REDIC1: variants seen among roughly 807,000 people sequenced by gnomAD.
The protein encoded by REDIC1 is HEI10 Interacting Protein 1.
chr12:39,684,010 C>A, the REDIC1 span: 1 of 389,534 alleles, frequency 2.6e-6, no homozygotes, highest in Non-Finnish European at 3.5e-6. Flanking sequence ...TCATTGCCAA[C>A]ATTTACCTCT....
the REDIC1 span, among the ~76,000 whole-genome samples, chr12:39,797,748 A>G: frequency 0.015 from 2,017 of 134,914 alleles, 44 homozygotes; most frequent in African/African-American, 0.048. Flanking sequence ...ACACACACAC[A>G]CACACACACA....
chr12:39,813,381 C>G, the REDIC1 span, among the ~76,000 whole-genome samples: 1 of 152,040 alleles, frequency 6.6e-6, no homozygotes, highest in Non-Finnish European at 1.5e-5. Flanking sequence ...CCATAACAAA[C>G]TTTCAACAAC....
chr12:39,714,643 G>A, the REDIC1 span, among the ~76,000 whole-genome samples: 1 of 151,798 alleles, frequency 6.6e-6, no homozygotes, highest in Non-Finnish European at 1.5e-5. Context: ...TTTCTATGCT[G>A]TTTTCCATAG....
chr12:39,809,484 C>G, the REDIC1 span, among the ~76,000 whole-genome samples: 3 of 152,106 alleles, frequency 2.0e-5, no homozygotes, highest in Non-Finnish European at 4.4e-5. Context: ...TAGAGATCAA[C>G]TTAAAAGGAA....
chr12:39,713,258 GTGTATATATGTGTACACA>G, the REDIC1 span, among the ~76,000 whole-genome samples: 2 of 62,914 alleles, frequency 3.2e-5, no homozygotes, highest in Admixed American at 3.5e-4. Context: ...ACACACATAC[GTGTATATATGTGTACACA>G]CACATACGTG....
chr12:39,741,825 C>T, the REDIC1 span, among the ~76,000 whole-genome samples: 1 of 152,090 alleles, frequency 6.6e-6, no homozygotes, highest in Admixed American at 6.6e-5. Flanking sequence ...TTGAGGTCAG[C>T]GGAAAGAAAT....
At chr12:39,896,396 A>G in the REDIC1 span, among the ~76,000 whole-genome samples, 3 of 135,660 alleles carry the variant, frequency 2.2e-5, no homozygotes, top group South Asian at 4.4e-4. Flanking sequence ...ATATGTGTAT[A>G]TATGTATACA....
At chr12:39,646,555 T>C in the REDIC1 span, 1 of 1,238,702 alleles carries the variant, frequency 8.1e-7, no homozygotes, top group Middle Eastern at 2.2e-4. Context: ...ACTTACCTTC[T>C]ACCCCCAGTT....
the REDIC1 span, among the ~76,000 whole-genome samples, chr12:39,716,075 C>T: frequency 6.6e-6 from 1 of 151,900 alleles, no homozygotes; most frequent in Non-Finnish European, 1.5e-5. Flanking sequence ...TGGTTTATTG[C>T]ATATAGTAGG....
chr12:39,791,345 T>C, the REDIC1 span, among the ~76,000 whole-genome samples: 1 of 66,962 alleles, frequency 1.5e-5, no homozygotes, highest in Admixed American at 1.9e-4. Flanking sequence ...ACCACTCCTA[T>C]TCAACATAGT....
chr12:39,752,442 G>GA, the REDIC1 span, among the ~76,000 whole-genome samples: 19 of 152,088 alleles, frequency 1.2e-4, no homozygotes, highest in Non-Finnish European at 2.2e-4. Flanking sequence ...TAGGTCTATG[G>GA]AAAAAATTGT....
the REDIC1 span, among the ~76,000 whole-genome samples, chr12:39,781,295 A>G: frequency 3.3e-5 from 5 of 152,176 alleles, no homozygotes. Context: ...TGTTCCTGGC[A>G]CTGGCACAAA....
chr12:39,826,548 G>T, the REDIC1 span, among the ~76,000 whole-genome samples: 93,008 of 148,774 alleles, frequency 0.63, 29,592 homozygotes, highest in African/African-American at 0.76. Context: ...TCTTATACTT[G>T]TAACATCTAT....
chr12:39,808,646 A>C, the REDIC1 span, among the ~76,000 whole-genome samples: 1 of 152,162 alleles, frequency 6.6e-6, no homozygotes, highest in Non-Finnish European at 1.5e-5. Flanking sequence ...GTAGCATGTC[A>C]CTATAATTTT....
At chr12:39,641,950 G>A in the REDIC1 span, among the ~76,000 whole-genome samples, 13 of 151,658 alleles carry the variant, frequency 8.6e-5, no homozygotes, top group South Asian at 1.0e-3. Context: ...TTGTCAGTCC[G>A]ATTTATTTTA....
chr12:39,650,304 T>C, the REDIC1 span: 1 of 1,612,050 alleles, frequency 6.2e-7, no homozygotes, highest in South Asian at 1.1e-5. This position sits in a 1 kb window ranked among gnomAD's most constrained non-coding sequence, Gnocchi z 4.3. Flanking sequence ...ATGTTTTCAG[T>C]CCATCACATA....
At chr12:39,701,768 A>G in the REDIC1 span, among the ~76,000 whole-genome samples, 2 of 152,270 alleles carry the variant, frequency 1.3e-5, no homozygotes, top group East Asian at 3.9e-4. Flanking sequence ...TCAAACTAGA[A>G]CTCAGGATTA....
the REDIC1 span, among the ~76,000 whole-genome samples, chr12:39,781,647 T>C: frequency 2.0e-5 from 3 of 152,248 alleles, no homozygotes; most frequent in African/African-American, 7.2e-5. Context: ...GCTATGAATT[T>C]CCATATTATA....
chr12:39,728,853 T>C, the REDIC1 span, among the ~76,000 whole-genome samples: 3,257 of 150,756 alleles, frequency 0.022, 50 homozygotes, highest in Non-Finnish European at 0.033. Context: ...TATTGGTGTA[T>C]TCAAGGATTC....
Sources: gnomAD v4.1 joint callset for allele counts (sites outside exome capture counted in the v4.1 genomes callset) on GRCh38, gnomAD v4.1.1 for gene constraint, Gnocchi (gnomAD v3.1) non-coding constraint, MANE v1.5 for transcripts, NCBI Gene and HGNC (gene_info 2026-07-23, HGNC 2026-07-21) for gene names.